Variants in RNF114 observed in about 807,000 individuals in gnomAD.
RNF114 encodes the protein E3 ubiquitin-protein ligase RNF114.
RNF114 carries 6 observed loss-of-function variants against 28.4 expected under a neutral mutation model. The observed-to-expected ratio is 0.21, with a 90% CI of 0.12 to 0.42. The LOEUF is 0.42. Ranked by LOEUF, RNF114 falls within the 10% of genes least tolerant of loss-of-function variation. The probability of loss-of-function intolerance (pLI) is 1.00; values close to 1 mark genes in which losing one functional copy is unlikely to be tolerated. For synonymous variants in RNF114, 115 were observed against 116.7 expected (o/e 0.99, Z 0.09); for missense variants, 249 against 311.7 (o/e 0.80, Z 1.51).
Position 49,945,440 on chromosome 20 carries a change from T to C in RNF114, c.350T>C (p.Ile117Thr). Reference protein sequence around the residue: ...VATCSKYQNYIMEGVKATIKD... With the variant: ...VATCSKYQNYTMEGVKATIKD... ...ACTTGTTCCAAATACCAGAATTACA[T>C]CATGGAAGGTGTGAAGGCCACCATT... is the stretch of plus-strand genomic sequence containing the variant. Residue 117 changes from isoleucine to threonine, a missense_variant, in exon 3 of 6, where the codon ATC becomes ACC. By Grantham distance (89) the Ile-to-Thr change is moderately conservative. Coordinates refer to ENST00000244061, the MANE Select transcript of RNF114 (RefSeq NM_018683.4). 6.2e-7 allele frequency: 1 copy of C among 1,613,624 alleles called. No individual in the cohort carries two copies. Among genetic ancestry groups the C allele is most frequent in the Non-Finnish European group, 8.5e-7 (1 of 1,179,534 alleles).
intron 1 of RNF114, among the ~76,000 whole-genome samples, chr20:49,938,787 A>T (rs763103613): frequency 2.6e-5 from 4 of 152,208 alleles, no homozygotes; most frequent in Non-Finnish European, 5.9e-5. Context: ...CATTTGATAG[A>T]TGAGCTGTAC....
intron 4 of RNF114, 74 bp downstream of exon 4, chr20:49,946,324 A>G (rs1017068302): frequency 2.1e-5 from 16 of 760,246 alleles, no homozygotes; most frequent in Admixed American, 5.5e-5. Flanking sequence ...TGACGGGATT[A>G]GTAGAATGAA....
chr20:49,945,908 C>T (rs987598358), intron 3 of RNF114, among the ~76,000 whole-genome samples: 4 of 152,134 alleles, frequency 2.6e-5, no homozygotes, highest in East Asian at 3.9e-4. Flanking sequence ...TCAGGTGATC[C>T]GCCTGCTTTG....
At chr20:49,940,280 A>C (rs1024845170) in intron 1 of RNF114, among the ~76,000 whole-genome samples, 5 of 151,678 alleles carry the variant, frequency 3.3e-5, no homozygotes, top group Non-Finnish European at 5.9e-5. Flanking sequence ...CTGCTAGCTG[A>C]CCTCTTTTTT....
chr20:49,938,847 G>A (rs2090296856), intron 1 of RNF114, among the ~76,000 whole-genome samples: 1 of 152,234 alleles, frequency 6.6e-6, no homozygotes, highest in African/African-American at 2.4e-5. Context: ...TCTGCATGCT[G>A]GGTTTGGTTC....
In RNF114 at chr20:49,953,732, G is replaced by A. The variant is rs758024962; in HGVS notation, c.*1591G>A. 6.6e-6 allele frequency: 1 copy of A among 152,164 alleles called. No homozygotes were observed. Among genetic ancestry groups the A allele is most frequent in the Non-Finnish European group, 1.5e-5 (1 of 68,030 alleles). The allele number at this position is 152,164 out of a possible 1,614,324, so 9.4% of individuals were successfully genotyped here. On this transcript the variant is annotated 3_prime_UTR_variant, in exon 6 of 6. Transcript: ENST00000244061. ...CTTCGTTTGAGGGACTGATGTGAGT[G>A]TATGTCCACCTCACTGGTGGCACCG...
intron 2 of RNF114, chr20:49,944,572 A>T (rs1169393687): frequency 6.6e-6 from 1 of 152,022 alleles, no homozygotes; most frequent in African/African-American, 2.4e-5. Context: ...TTACTGTTGC[A>T]CAGCCTAGAT....
chr20:49,942,980 T>G (rs749199137), intron 2 of RNF114, among the ~76,000 whole-genome samples: 3 of 145,246 alleles, frequency 2.1e-5, no homozygotes, highest in Non-Finnish European at 4.5e-5. Context: ...CTTTTTTAAA[T>G]GTACACTCAT....
chr20:49,937,582 G>A (rs2090292719), intron 1 of RNF114, among the ~76,000 whole-genome samples: 1 of 152,194 alleles, frequency 6.6e-6, no homozygotes, highest in African/African-American at 2.4e-5. Context: ...TACTGCAGGT[G>A]ACCATTTCAG....
chr20:49,939,283 C>T (rs79547786), intron 1 of RNF114, among the ~76,000 whole-genome samples: 5,629 of 152,254 alleles, frequency 0.037, 146 homozygotes, highest in East Asian at 0.093. Context: ...GTTTCCATTG[C>T]CCTCAGTGGT....
At chr20:49,945,848 G>T (rs2090328606) in intron 3 of RNF114, among the ~76,000 whole-genome samples, 1 of 152,142 alleles carries the variant, frequency 6.6e-6, no homozygotes, top group Non-Finnish European at 1.5e-5. Context: ...GTATTTTTTA[G>T]TAGAGACAGG....
Position 49,952,142 on chromosome 20 carries a change from G to A in RNF114, c.*1G>A, listed in dbSNP as rs1179882518. 1 of 1,613,194 alleles carries A rather than the reference G, an allele frequency of 6.2e-7. No individual in the cohort carries two copies. Among genetic ancestry groups the A allele is most frequent in the Admixed American group, 1.7e-5 (1 of 60,016 alleles). On this transcript the variant is annotated 3_prime_UTR_variant, in exon 6 of 6. Transcript: ENST00000244061. ...GCAGCGCTCCATCATCGACCAGTGA[G>A]CAGAGTCCGTGCTTGCTATCTGTCT... is the stretch of plus-strand genomic sequence containing the variant.
At chr20:49,951,119 A>C (rs927313415) in intron 5 of RNF114, among the ~76,000 whole-genome samples, 1 of 152,082 alleles carries the variant, frequency 6.6e-6, no homozygotes, top group Non-Finnish European at 1.5e-5. Flanking sequence ...TATAGATGTC[A>C]AGTTAGGATT....
Position 49,946,184 on chromosome 20 carries a change from G to A in RNF114, c.447G>A (p.Lys149=), listed in dbSNP as rs2090330445. The A allele has an allele frequency of 6.2e-7, 1 of 1,612,066 alleles. No homozygotes were observed. The highest frequency in any genetic ancestry group is 1.3e-5 in the African/African-American group (1 of 74,736). Residue 149 remains lysine, a synonymous_variant, in exon 4 of 6, where the codon AAG becomes AAA. Coordinates refer to ENST00000244061, the MANE Select transcript of RNF114 (RefSeq NM_018683.4). ...TTCCTTGTCCTTACTGTCCTGAGAA[G>A]AACTTTGATCAGGAAGGACTTGTGG... ...YTFPCPYCPE[K]NFDQEGLVEH...
In RNF114 at chr20:49,936,466, G is replaced by T. The variant is rs574342754; in HGVS notation, c.54G>T (p.Ala18=). Residue 18 remains alanine, a synonymous_variant, in exon 1 of 6, where the codon GCG becomes GCT. Transcript: ENST00000244061. ...CGGAAQLAGP[A]AEADPLGRFT... ...GTGCTGCGCAGCTGGCGGGGCCGGCGGCGGAGGCTGACCCCCTAGGACGCT... is the reference window on the plus strand; with the variant it reads ...GTGCTGCGCAGCTGGCGGGGCCGGCTGCGGAGGCTGACCCCCTAGGACGCT... 101 of 1,550,682 alleles carry T rather than the reference G, an allele frequency of 6.5e-5. No homozygotes were observed. The Admixed American group carries it at 7.1e-4, about 11-fold the overall frequency.
chr20:49,940,188 G>C (rs60300309), intron 1 of RNF114, among the ~76,000 whole-genome samples: 1 of 151,898 alleles, frequency 6.6e-6, no homozygotes, highest in Non-Finnish European at 1.5e-5. Context: ...CTGTTTATGA[G>C]GAAAAGTCTG....
chr20:49,950,517 C>CA (rs1285646387), intron 5 of RNF114, among the ~76,000 whole-genome samples: 1 of 151,408 alleles, frequency 6.6e-6, no homozygotes, highest in Admixed American at 6.6e-5. Flanking sequence ...CTTGTCTCTG[C>CA]AAAAAATACA....
At chr20:49,949,624 G>C (rs1334821331) in intron 5 of RNF114, among the ~76,000 whole-genome samples, 1 of 152,136 alleles carries the variant, frequency 6.6e-6, no homozygotes, top group Non-Finnish European at 1.5e-5. Context: ...CTATTCATGG[G>C]CCAGGCAGGT....
chr20:49,946,148 C>A lies in RNF114; in HGVS notation c.411C>A (p.Asn137Lys). 1 of 1,598,508 alleles carries A rather than the reference C, an allele frequency of 6.3e-7. No individual in the cohort carries two copies. The highest frequency in any genetic ancestry group is 8.5e-7 in the Non-Finnish European group (1 of 1,173,318). ...DASLQPRNVPNRYTFPCPYCP... is the reference protein window; with the variant it reads ...DASLQPRNVPKRYTFPCPYCP... ...TTTCACCTTCCAGGAATGTTCCAAA[C>A]CGTTACACCTTTCCTTGTCCTTACT... Residue 137 changes from asparagine (N) to lysine (K), a missense_variant, in exon 4 of 6, where the codon AAC becomes AAA. Physicochemically the swap from Asn to Lys is moderately conservative, Grantham distance 94. This residue lies in a region of RNF114 where 126 missense variants were observed against 205.3 expected (regional missense o/e 0.61). Coordinates refer to ENST00000244061, the MANE Select transcript of RNF114 (RefSeq NM_018683.4).
Sources: gnomAD v4.1 joint callset for allele counts (sites outside exome capture counted in the v4.1 genomes callset) on GRCh38, gnomAD v4.1.1 for gene constraint, gnomAD v4.1.1 regional missense constraint, MANE v1.5 for transcripts, NCBI Gene and HGNC (gene_info 2026-07-23, HGNC 2026-07-21) for gene names.